Variants in ASIC2 observed in about 807,000 individuals in gnomAD.
ASIC2 encodes the protein acid-sensing ion channel 2.
ASIC2 carries 25 observed loss-of-function variants against 57.3 expected under a neutral mutation model. The ratio of observed to expected loss-of-function variants is 0.44; its 90% CI spans 0.32 to 0.61. The LOEUF (loss-of-function observed/expected upper bound fraction) is 0.61, where lower values mean the gene tolerates loss of function less well. Among genes scored for constraint, ASIC2 ranks in the 20% least tolerant of loss-of-function variants. The pLI is 0.06. For missense variants in ASIC2, 641 were observed against 738.1 expected, an observed-to-expected ratio of 0.87 and a Z score of 1.52; for synonymous variants, 319 against 307.5, an observed-to-expected ratio of 1.04 and a Z score of -0.39.
At chr17:33,030,701 G>T (rs2091879472) in intron 3 of ASIC2, among the ~76,000 whole-genome samples, 1 of 151,990 alleles carries the variant, frequency 6.6e-6, no homozygotes, top group Admixed American at 6.6e-5. Context: ...TTTCTCATTT[G>T]CTGAGAGTTT....
chr17:33,805,366 T>C (rs1434541411), intron 1 of ASIC2, among the ~76,000 whole-genome samples: 9 of 152,140 alleles, frequency 5.9e-5, no homozygotes, highest in Admixed American at 4.6e-4. Context: ...GGGAGTTTGG[T>C]CAATGGTTTC....
At chr17:33,097,519 A>G (rs1391286385) in intron 2 of ASIC2, among the ~76,000 whole-genome samples, 1 of 152,154 alleles carries the variant, frequency 6.6e-6, no homozygotes, top group Non-Finnish European at 1.5e-5. Context: ...CAGATGAAAA[A>G]ATGGAAGCTC....
intron 1 of ASIC2, among the ~76,000 whole-genome samples, chr17:33,524,844 A>C (rs1914840610): frequency 6.6e-6 from 1 of 152,078 alleles, no homozygotes; most frequent in Non-Finnish European, 1.5e-5. Flanking sequence ...AGTAGTAGAG[A>C]CTACAGGTGC....
At chr17:34,047,176 G>A (rs1324389011) in intron 1 of ASIC2, among the ~76,000 whole-genome samples, 1 of 152,012 alleles carries the variant, frequency 6.6e-6, no homozygotes, top group East Asian at 1.9e-4. Context: ...ACAGAATACA[G>A]CTCCCATTAC....
intron 1 of ASIC2, among the ~76,000 whole-genome samples, chr17:33,473,477 C>T (rs891305384): frequency 9.9e-5 from 15 of 151,740 alleles, no homozygotes; most frequent in African/African-American, 3.6e-4. Flanking sequence ...CCTTTGGAGG[C>T]GGGGACTTGG....
chr17:33,759,969 A>C (rs1243775666), intron 1 of ASIC2, among the ~76,000 whole-genome samples: 1 of 152,176 alleles, frequency 6.6e-6, no homozygotes, highest in Non-Finnish European at 1.5e-5. Flanking sequence ...CACTCTCACC[A>C]GATGTAGCCC....
At chr17:33,520,541 C>T (rs1053497752) in intron 1 of ASIC2, among the ~76,000 whole-genome samples, 4 of 152,270 alleles carry the variant, frequency 2.6e-5, no homozygotes, top group East Asian at 1.9e-4. Flanking sequence ...CCAGTACAGT[C>T]GTATTAATTT....
intron 1 of ASIC2, among the ~76,000 whole-genome samples, chr17:33,898,412 A>G (rs934550680): frequency 6.6e-6 from 1 of 151,078 alleles, no homozygotes; most frequent in Non-Finnish European, 1.5e-5. Context: ...ATTTTTCTGT[A>G]TTTTTAGTAG....
Position 33,292,404 on chromosome 17 carries a change from A to T in ASIC2, c.-289T>A. 1 of 984,626 alleles carries T rather than the reference A, an allele frequency of 1.0e-6. No individual in the cohort carries two copies. Among genetic ancestry groups the T allele is most frequent in the African/African-American group, 1.8e-5 (1 of 56,990 alleles). 61.0% of individuals were successfully genotyped at this position (984,626 alleles called of 1,614,324 possible). On this transcript the variant is annotated 5_prime_UTR_variant, in exon 1 of 10. Transcript: ENST00000225823. ...TCCCGGCCCCTGGTCTTCCTGGAGG[A>T]TGCCCGGCGCCCGGCACTACTTCTG... is the stretch of plus-strand genomic sequence containing the variant.
At chr17:33,800,269 G>A (rs1029265216) in intron 1 of ASIC2, among the ~76,000 whole-genome samples, 5 of 152,130 alleles carry the variant, frequency 3.3e-5, no homozygotes, top group Non-Finnish European at 5.9e-5. Context: ...AACTTGGAAT[G>A]CACACCCCCT....
rs556548492 is a variant in ASIC2, at chr17:34,050,092, C to T, written c.555+105886G>A. On this transcript the variant is annotated intron_variant, in intron 1 of 9. Transcript: ENST00000359872. ...TGCATAACAATATTATACTCTGATC[C>T]CCATCCCAAAACTGAGCACCATTAT... 2.6e-4 allele frequency among the ~76,000 whole-genome samples: 39 copies of T among 152,232 alleles called. No homozygotes were observed. In the South Asian group the frequency reaches 4.4e-3, roughly 17 times the overall value.
At chr17:33,412,923 G>A (rs546106800) in intron 1 of ASIC2, among the ~76,000 whole-genome samples, 1 of 152,204 alleles carries the variant, frequency 6.6e-6, no homozygotes, top group Admixed American at 6.5e-5. Flanking sequence ...GATGAGAAGA[G>A]CGTGCAAGGA....
chr17:33,508,230 A>G (rs1914323991), intron 1 of ASIC2, among the ~76,000 whole-genome samples: 2 of 151,236 alleles, frequency 1.3e-5, no homozygotes, highest in African/African-American at 4.9e-5. Flanking sequence ...GCATTTACAG[A>G]GCATTTACTA....
chr17:34,099,207 A>AG (rs1478489116), intron 1 of ASIC2, among the ~76,000 whole-genome samples: 5 of 131,520 alleles, frequency 3.8e-5, no homozygotes, highest in African/African-American at 1.7e-4. Context: ...AAAGAAAGAA[A>AG]GAAAGGAAAG....
intron 1 of ASIC2, among the ~76,000 whole-genome samples, chr17:33,234,495 A>T (rs319767): frequency 0.63 from 95,600 of 152,044 alleles, 31,249 homozygotes; most frequent in Middle Eastern, 0.73. Flanking sequence ...ACAGGCACTC[A>T]TCTCCTTCAT....
At chr17:33,650,595 G>C (rs572441208) in intron 1 of ASIC2, among the ~76,000 whole-genome samples, 21 of 152,176 alleles carry the variant, frequency 1.4e-4, no homozygotes, top group Non-Finnish European at 2.5e-4. Flanking sequence ...AGAATGGATG[G>C]TTAAACAAAT....
chr17:34,061,764 T>C (rs1908978853), intron 1 of ASIC2, among the ~76,000 whole-genome samples: 1 of 109,842 alleles, frequency 9.1e-6, no homozygotes. Flanking sequence ...GCAACAGCAG[T>C]TGAAAGAGAC....
At chr17:33,736,446 TG>T (rs1909913462) in intron 1 of ASIC2, among the ~76,000 whole-genome samples, 1 of 152,216 alleles carries the variant, frequency 6.6e-6, no homozygotes, top group Non-Finnish European at 1.5e-5. Context: ...CTGTATCTGC[TG>T]CTGAAGGCAA....
At chr17:33,572,128 T>C (rs1916466941) in intron 1 of ASIC2, 1 of 152,226 alleles carries the variant, frequency 6.6e-6, no homozygotes, top group South Asian at 2.1e-4. Flanking sequence ...TTGCTGTGCA[T>C]ATATATTAGC....
Sources: gnomAD v4.1 joint callset for allele counts (sites outside exome capture counted in the v4.1 genomes callset) on GRCh38, gnomAD v4.1.1 for gene constraint, MANE v1.5 for transcripts, NCBI Gene and HGNC (gene_info 2026-07-23, HGNC 2026-07-21) for gene names.